Variants in ABCC3 observed in about 807,000 individuals in gnomAD.
The protein encoded by ABCC3 is ATP binding cassette subfamily C member 3.
ABCC3 carries 121 observed loss-of-function variants against 165.3 expected under a neutral mutation model. The observed-to-expected ratio is 0.73, with a 90% CI of 0.63 to 0.85. The LOEUF (loss-of-function observed/expected upper bound fraction) is 0.85, where lower values mean the gene tolerates loss of function less well. ABCC3 is among the 40% of genes least tolerant of loss of function. The pLI is 0.00. For missense variants in ABCC3, 1,869 were observed against 1,964.1 expected, an observed-to-expected ratio of 0.95 and a Z score of 0.92; for synonymous variants, 733 against 810.1, an observed-to-expected ratio of 0.90 and a Z score of 1.62.
intron 4 of ABCC3, 112 bp downstream of exon 4, chr17:50,657,295 AACACAATT>A: frequency 7.2e-7 from 1 of 1,379,710 alleles, no homozygotes; most frequent in Non-Finnish European, 9.9e-7. Flanking sequence ...TTCAAGTACA[AACACAATT>A]GTGTTGTTCT....
chr17:50,668,105 T>C, intron 13 of ABCC3, 96 bp downstream of exon 13: 1 of 1,100,584 alleles, frequency 9.1e-7, no homozygotes, highest in Non-Finnish European at 1.3e-6. Context: ...CAGGGGGAGT[T>C]ATTGGATTCA....
intron 19 of ABCC3, 121 bp downstream of exon 19, chr17:50,673,779 C>T: frequency 1.0e-6 from 1 of 1,000,294 alleles, no homozygotes. Flanking sequence ...AAACTTGGGC[C>T]ATCTGTGTGA....
At chr17:50,686,655 C>T (rs961492514) in intron 29 of ABCC3, among the ~76,000 whole-genome samples, 7 of 152,024 alleles carry the variant, frequency 4.6e-5, no homozygotes, top group African/African-American at 9.7e-5. Context: ...CGACACATGC[C>T]GTGATCAGAG....
chr17:50,677,804 A>C lies in ABCC3; in HGVS notation c.3439A>C (p.Ile1147Leu), dbSNP rs763250253. 6.2e-7 allele frequency: 1 copy of C among 1,614,060 alleles called. No individual in the cohort carries two copies. The highest frequency in any genetic ancestry group is 2.2e-5 in the East Asian group (1 of 44,880). ...GCTGGAATCAGTCAGCCGCTCACCT[A>C]TCTACTCCCACTTTTCGGAGACAGT... is the stretch of plus-strand genomic sequence containing the variant. ...KRLESVSRSP[I>L]YSHFSETVTG... The change falls in exon 24 of 31, where the codon ATC becomes CTC. Residue 1147 changes from isoleucine to leucine, a missense_variant. Physicochemically the swap from Ile to Leu is conservative, Grantham distance 5 (BLOSUM62 2). Transcript: ENST00000285238.
chr17:50,687,237 G>A (rs936683001), intron 29 of ABCC3: 6 of 400,100 alleles, frequency 1.5e-5, no homozygotes, highest in African/African-American at 4.0e-5. Context: ...GAAACATCAC[G>A]GCACTAGCTG....
chr17:50,659,183 C>T, intron 6 of ABCC3, 54 bp from the exon 7 acceptor site: 1 of 1,595,748 alleles, frequency 6.3e-7, no homozygotes, highest in African/African-American at 1.3e-5. Flanking sequence ...TGGCTCCAGG[C>T]TGCTAAACCC....
chr17:50,687,963 T>C (rs576704041), intron 30 of ABCC3, among the ~76,000 whole-genome samples: 43 of 151,678 alleles, frequency 2.8e-4, no homozygotes, highest in Middle Eastern at 3.4e-3. Context: ...TCTTCTTCTT[T>C]TTTTTTTTTG....
chr17:50,668,873 A>G lies in ABCC3; in HGVS notation c.1891A>G (p.Ser631Gly), dbSNP rs772368658. 1.2e-6 allele frequency: 2 copies of G among 1,613,544 alleles called. No homozygotes were observed. The highest frequency in any genetic ancestry group is 3.3e-5 in the Admixed American group (2 of 59,972). Residue 631 changes from serine to glycine, a missense_variant, in exon 15 of 31, where the codon AGT (serine) becomes GGT (glycine). By Grantham distance (56) the Ser-to-Gly change is moderately conservative. Transcript: ENST00000285238. ...CTCAGGCTATGCCATCACCATACAC[A>G]GTGGCACCTTCACCTGGGCCCAGGA... Reference protein sequence around the residue: ...ISPGYAITIHSGTFTWAQDLP... With the variant: ...ISPGYAITIHGGTFTWAQDLP...
intron 23 of ABCC3, among the ~76,000 whole-genome samples, chr17:50,677,526 G>A (rs1342242703): frequency 1.3e-5 from 2 of 152,156 alleles, no homozygotes; most frequent in African/African-American, 4.8e-5. Context: ...GAGCCGTGTT[G>A]TTGTGGGGTT....
chr17:50,645,929 A>G lies in ABCC3; in HGVS notation c.46-9903A>G, dbSNP rs546123401. Among the ~76,000 whole-genome samples, 29 of 152,316 alleles carry G rather than the reference A, an allele frequency of 1.9e-4. 1 individual carries two copies. In the South Asian group the frequency reaches 5.8e-3, roughly 30 times the overall value. ...ATTTAAGCAAATCTTTTTTCTGAGC[A>G]CCTACTATGTGCTAGGCACCATTCT... On this transcript the variant is annotated intron_variant, in intron 1 of 30. Coordinates refer to ENST00000285238, the MANE Select transcript of ABCC3 (RefSeq NM_003786.4).
chr17:50,672,119 A>G (rs989227956), intron 17 of ABCC3, among the ~76,000 whole-genome samples: 23 of 152,128 alleles, frequency 1.5e-4, no homozygotes, highest in Non-Finnish European at 2.9e-4. Flanking sequence ...TCAACCATTC[A>G]TGAGGGCTCT....
chr17:50,687,430 C>G lies in ABCC3; in HGVS notation c.4281-106C>G, dbSNP rs1968041812. On this transcript the variant is annotated intron_variant, in intron 29 of 30. Coordinates refer to ENST00000285238, the MANE Select transcript of ABCC3 (RefSeq NM_003786.4). ...TGTGGCAGAAATGGGAGAAGTCAGA[C>G]AGAAAACCAGTCCTGGGCCACTGAG... 4 of 1,147,808 alleles carry G rather than the reference C, an allele frequency of 3.5e-6. No individual in the cohort carries two copies. The South Asian group carries it at 5.9e-5, about 17-fold the overall frequency. The allele number at this position is 1,147,808 out of a possible 1,614,324, so 71.1% of individuals were successfully genotyped here. A position where few individuals can be genotyped will look rare whatever the true frequency, so the allele number is the denominator to read the frequency against.
chr17:50,676,558 G>A lies in ABCC3; in HGVS notation c.3348G>A (p.Leu1116=). The change falls in exon 23 of 31, where the codon CTG becomes CTA. Residue 1116 remains leucine (L), a synonymous_variant. Coordinates refer to ENST00000285238, the MANE Select transcript of ABCC3 (RefSeq NM_003786.4). ...CGCCGCTCTTCACTGTGGTCATCCTGCCCCTGGCTGTGCTCTACACCTTAG... is the reference window on the plus strand; with the variant it reads ...CGCCGCTCTTCACTGTGGTCATCCTACCCCTGGCTGTGCTCTACACCTTAG... ...ASTPLFTVVI[L]PLAVLYTLVQ... The A allele has an allele frequency of 6.2e-7, 1 of 1,609,336 alleles. No individual in the cohort carries two copies. The highest frequency in any genetic ancestry group is 2.2e-5 in the East Asian group (1 of 44,632).
rs1025199990 is a variant in ABCC3, at chr17:50,649,888, A to G, written c.46-5944A>G. Among the ~76,000 whole-genome samples the G allele has an allele frequency of 4.2e-4, 64 of 152,214 alleles. 1 individual carries two copies. Among genetic ancestry groups the G allele is most frequent in the African/African-American group, 1.5e-3 (62 of 41,444 alleles). ...AGTTACATAGTTGTAGAAAAAGCTTAGCTGTTTTAATAGCGAGTTCTCAGT... is the reference window on the plus strand; with the variant it reads ...AGTTACATAGTTGTAGAAAAAGCTTGGCTGTTTTAATAGCGAGTTCTCAGT... On this transcript the variant is annotated intron_variant, in intron 1 of 30. Transcript: ENST00000285238.
intron 1 of ABCC3, among the ~76,000 whole-genome samples, chr17:50,646,182 A>C (rs992375159): frequency 6.6e-6 from 1 of 152,222 alleles, no homozygotes; most frequent in Non-Finnish European, 1.5e-5. Context: ...TGGTCAGGGT[A>C]GGCTTCATTG....
Position 50,691,242 on chromosome 17 carries a change from A to G in ABCC3, c.*42A>G, listed in dbSNP as rs772632997. 1.8e-5 allele frequency: 27 copies of G among 1,501,304 alleles called. No homozygotes were observed. The Admixed American group carries it at 3.9e-4, about 22-fold the overall frequency. 93.0% of individuals were successfully genotyped at this position (1,501,304 alleles called of 1,614,324 possible). On this transcript the variant is annotated 3_prime_UTR_variant, in exon 31 of 31. Coordinates refer to ENST00000285238, the MANE Select transcript of ABCC3 (RefSeq NM_003786.4). ...TTCCTCCTGGCCTTTCCTGGTTTTC[A>G]TCAGGAAGGAAATGACACCAAATAT... is the stretch of plus-strand genomic sequence containing the variant.
chr17:50,680,002 G>A (rs868702623), intron 26 of ABCC3, 103 bp downstream of exon 26: 1 of 791,396 alleles, frequency 1.3e-6, no homozygotes. Context: ...CACGTATGGG[G>A]CTCTTCATTC....
Position 50,684,065 on chromosome 17 carries a change from C to T in ABCC3, c.4071C>T (p.Ile1357=), listed in dbSNP as rs777459698. 18 of 1,613,218 alleles carry T rather than the reference C, an allele frequency of 1.1e-5. No individual in the cohort carries two copies. Among genetic ancestry groups the T allele is most frequent in the South Asian group, 3.3e-5 (3 of 91,024 alleles). ...TTGATGGCCTCAATGTGGCAGACAT[C>T]GGCCTCCATGACCTGCGCTCTCAGC... ...IRIDGLNVAD[I]GLHDLRSQLT... The change falls in exon 28 of 31, where the codon ATC becomes ATT. Residue 1357 remains isoleucine (I), a synonymous_variant. Coordinates refer to ENST00000285238, the MANE Select transcript of ABCC3 (RefSeq NM_003786.4).
intron 10 of ABCC3, chr17:50,664,562 A>C (rs758178333): frequency 3.9e-5 from 8 of 204,018 alleles, no homozygotes; most frequent in Non-Finnish European, 7.0e-5. Flanking sequence ...AATTAGCCAG[A>C]CGTGGTGGCG....
Sources: gnomAD v4.1 joint callset for allele counts (sites outside exome capture counted in the v4.1 genomes callset) on GRCh38, gnomAD v4.1.1 for gene constraint, MANE v1.5 for transcripts, NCBI Gene and HGNC (gene_info 2026-07-23, HGNC 2026-07-21) for gene names.